The following CFAP299 variants were observed in gnomAD, a reference collection of about 807,000 sequenced individuals.
CFAP299 encodes the protein cilia- and flagella-associated protein 299.
In CFAP299, 21 loss-of-function variants were observed where a neutral mutation model predicts 27.0. That is an observed-to-expected ratio of 0.78 (90% CI 0.55 to 1.12). The LOEUF (loss-of-function observed/expected upper bound fraction) is 1.12, where lower values mean the gene tolerates loss of function less well. Ranked by LOEUF, CFAP299 falls within the 50% of genes most tolerant of loss-of-function variation. CFAP299 has a pLI of 0.00. For missense variants in CFAP299, 310 were observed against 276.6 expected (o/e 1.12, Z -0.86); for synonymous variants, 104 against 98.1 (o/e 1.06, Z -0.36).
chr4:80,940,975 TG>T (rs1737166097), intron 4 of CFAP299, among the ~76,000 whole-genome samples: 1 of 152,178 alleles, frequency 6.6e-6, no homozygotes. Context: ...GTTTTCCCTT[TG>T]TTTCTGTGGG....
rs192412870 is a variant in CFAP299 at position 80,948,217 on chromosome 4, G to A, written c.606+3278G>A. ...TCATTAATTCTGAAGTATGTTTCCC[G>A]TGAAAGGCAGTTGTTTGGGAATGGT... On this transcript the variant is annotated intron_variant, in intron 5 of 5. Coordinates refer to ENST00000358105, the MANE Select transcript of CFAP299 (RefSeq NM_152770.3). 2.8e-4 allele frequency among the ~76,000 whole-genome samples: 42 copies of A among 152,258 alleles called. No homozygotes were observed. The East Asian group carries it at 3.3e-3, about 12-fold the overall frequency.
chr4:80,935,179 C>T (rs1042017290), intron 4 of CFAP299, among the ~76,000 whole-genome samples: 5 of 151,956 alleles, frequency 3.3e-5, no homozygotes, highest in African/African-American at 1.2e-4. Flanking sequence ...TTGAATTTTC[C>T]AACTTTCCTC....
rs564563596 is a variant in CFAP299, at chr4:80,494,979, G to T, written c.243-88114G>T. 1.4e-4 allele frequency among the ~76,000 whole-genome samples: 22 copies of T among 152,296 alleles called. 1 individual carries two copies. In the East Asian group the frequency reaches 3.7e-3, roughly 25 times the overall value. On this transcript the variant is annotated intron_variant, in intron 2 of 5. Transcript: ENST00000358105. ...TTATGGTAATGAAGGGTCTTGAAGA[G>T]TCTTAATTCCAGTATCTGAATTTAA...
intron 2 of CFAP299, among the ~76,000 whole-genome samples, chr4:80,425,264 A>G (rs888719354): frequency 4.6e-5 from 7 of 152,086 alleles, no homozygotes; most frequent in Non-Finnish European, 7.4e-5. Context: ...ACTCTTTCAC[A>G]TGGTATTTTT....
chr4:80,929,727 C>T (rs995602584), intron 4 of CFAP299, among the ~76,000 whole-genome samples: 5 of 152,134 alleles, frequency 3.3e-5, no homozygotes, highest in Admixed American at 6.6e-5. Context: ...CCAGGATGGA[C>T]CAGGAACTGC....
intron 4 of CFAP299, among the ~76,000 whole-genome samples, chr4:80,898,205 C>T (rs1405566026): frequency 6.6e-6 from 1 of 152,048 alleles, no homozygotes; most frequent in Non-Finnish European, 1.5e-5. Context: ...GTCACATGAA[C>T]AAATTAGAGG....
chr4:80,897,340 T>C (rs1734657189), intron 4 of CFAP299, among the ~76,000 whole-genome samples: 1 of 152,164 alleles, frequency 6.6e-6, no homozygotes. Flanking sequence ...AATTCAGCAA[T>C]TGACAGGAAT....
At chr4:80,323,222 T>C in the CFAP299 span, among the ~76,000 whole-genome samples, 1 of 152,206 alleles carries the variant, frequency 6.6e-6, no homozygotes, top group East Asian at 1.9e-4. Context: ...AAGCTGGCAG[T>C]TCTCTGATGT....
At chr4:80,841,029 A>G (rs1425033412) in intron 3 of CFAP299, among the ~76,000 whole-genome samples, 3 of 152,146 alleles carry the variant, frequency 2.0e-5, no homozygotes, top group Non-Finnish European at 2.9e-5. Flanking sequence ...ACAACTAAAT[A>G]TTTCCAATAA....
intron 4 of CFAP299, among the ~76,000 whole-genome samples, chr4:80,898,307 C>G (rs1267695070): frequency 2.0e-5 from 3 of 151,950 alleles, no homozygotes; most frequent in Non-Finnish European, 4.4e-5. Context: ...CAATCCTCCC[C>G]CAAAGTCTGG....
At chr4:80,710,680 C>T (rs1722107554) in intron 3 of CFAP299, among the ~76,000 whole-genome samples, 1 of 151,610 alleles carries the variant, frequency 6.6e-6, no homozygotes, top group South Asian at 2.1e-4. Flanking sequence ...ACTACATCAT[C>T]CCTCATCCCC....
intron 2 of CFAP299, among the ~76,000 whole-genome samples, chr4:80,369,432 G>A (rs78920289): frequency 2.6e-4 from 40 of 152,210 alleles, no homozygotes; most frequent in African/African-American, 7.9e-4. Context: ...CTAGGATTTT[G>A]TGATGTGACC....
chr4:80,643,685 G>A (rs760921176), intron 3 of CFAP299, among the ~76,000 whole-genome samples: 1 of 152,086 alleles, frequency 6.6e-6, no homozygotes, highest in Non-Finnish European at 1.5e-5. Context: ...GGGCCCAGAT[G>A]CAGGGATTGG....
chr4:80,803,954 T>C (rs1270545118), intron 3 of CFAP299, among the ~76,000 whole-genome samples: 1 of 152,014 alleles, frequency 6.6e-6, no homozygotes, highest in East Asian at 1.9e-4. Context: ...ACATCCAAGA[T>C]CACTCAGTGT....
At chr4:80,577,593 G>A (rs1433511526) in intron 2 of CFAP299, among the ~76,000 whole-genome samples, 2 of 151,862 alleles carry the variant, frequency 1.3e-5, no homozygotes, top group African/African-American at 4.8e-5. Context: ...AGTAGAGACA[G>A]GGTTTCAGCA....
intron 2 of CFAP299, among the ~76,000 whole-genome samples, chr4:80,576,685 A>G (rs1735883059): frequency 6.6e-6 from 1 of 152,166 alleles, no homozygotes; most frequent in African/African-American, 2.4e-5. Flanking sequence ...TGTATAATAC[A>G]CTTTTACTCA....
chr4:80,431,216 T>G (rs1172581186), intron 2 of CFAP299, among the ~76,000 whole-genome samples: 4 of 152,322 alleles, frequency 2.6e-5, no homozygotes, highest in African/African-American at 9.6e-5. Context: ...TCTGTTTTGT[T>G]CAGTAACTGG....
At chr4:80,842,284 G>A (rs1355676839) in intron 3 of CFAP299, among the ~76,000 whole-genome samples, 1 of 152,104 alleles carries the variant, frequency 6.6e-6, no homozygotes, top group Admixed American at 6.6e-5. Flanking sequence ...CAGACATTGG[G>A]TCATGGTTGA....
intron 3 of CFAP299, among the ~76,000 whole-genome samples, chr4:80,863,939 T>C (rs1356339624): frequency 6.6e-6 from 1 of 152,090 alleles, no homozygotes; most frequent in Admixed American, 6.6e-5. Context: ...ATTGTATGAT[T>C]CCACTTTTAT....
Sources: gnomAD v4.1 joint callset for allele counts (sites outside exome capture counted in the v4.1 genomes callset) on GRCh38, gnomAD v4.1.1 for gene constraint, MANE v1.5 for transcripts, NCBI Gene and HGNC (gene_info 2026-07-23, HGNC 2026-07-21) for gene names.